The following KDM4C variants were observed in gnomAD, a reference collection of about 807,000 sequenced individuals.
The protein encoded by KDM4C is lysine-specific demethylase 4C.
KDM4C carries 81 observed loss-of-function variants against 129.3 expected under a neutral mutation model. The ratio of observed to expected loss-of-function variants is 0.63; its 90% CI spans 0.52 to 0.75. The LOEUF (loss-of-function observed/expected upper bound fraction) is 0.75. Among genes scored for constraint, KDM4C ranks in the 30% least tolerant of loss-of-function variants. The pLI is 0.00. For missense variants in KDM4C, 1,457 were observed against 1,304.0 expected (o/e 1.12, Z -1.81); for synonymous variants, 573 against 456.1 (o/e 1.26, Z -3.26).
At chr9:7,092,244 A>C (rs1203368580) in intron 17 of KDM4C, among the ~76,000 whole-genome samples, 1 of 152,164 alleles carries the variant, frequency 6.6e-6, no homozygotes, top group Non-Finnish European at 1.5e-5. Flanking sequence ...CCTCTGAAGT[A>C]CAGCTGTGGA....
chr9:7,110,151 CA>C (rs781108926), intron 18 of KDM4C, among the ~76,000 whole-genome samples: 6 of 152,120 alleles, frequency 3.9e-5, no homozygotes. Context: ...GTTTTTTTCG[CA>C]GTGGGAAATG....
chr9:6,804,482 G>A (rs1410544018), intron 2 of KDM4C, among the ~76,000 whole-genome samples: 6 of 152,162 alleles, frequency 3.9e-5, no homozygotes, highest in Admixed American at 6.5e-5. Flanking sequence ...AATGTTGGCC[G>A]GGCGTGGTGG....
chr9:7,111,469 T>A (rs992113596), intron 18 of KDM4C, among the ~76,000 whole-genome samples: 5 of 151,920 alleles, frequency 3.3e-5, no homozygotes, highest in Non-Finnish European at 5.9e-5. Flanking sequence ...ATCTTTTTAT[T>A]TTTTTTTAAC....
intron 5 of KDM4C, among the ~76,000 whole-genome samples, chr9:6,862,869 A>G (rs935621528): frequency 9.9e-5 from 15 of 152,144 alleles, no homozygotes; most frequent in Admixed American, 6.5e-5. Context: ...AATCATAGGA[A>G]ATCTTGAAAA....
intron 4 of KDM4C, among the ~76,000 whole-genome samples, chr9:6,831,857 T>C (rs530479174): frequency 1.3e-5 from 2 of 152,306 alleles, no homozygotes; most frequent in Admixed American, 1.3e-4. Context: ...GTGACCATCC[T>C]TAGCTGCAAG....
chr9:6,987,542 A>G (rs1817945666), intron 11 of KDM4C, among the ~76,000 whole-genome samples: 2 of 152,118 alleles, frequency 1.3e-5, no homozygotes, highest in African/African-American at 4.8e-5. Context: ...GTTTGAGCTG[A>G]TAGGTTGCGC....
rs74567361 is a variant in KDM4C at position 7,076,536 on chromosome 9, G to A, written c.2425-27149G>A. ...TCATTAGGAAAGTTACATCCCCTCC[G>A]CCACTGTTTCAGATGCTGTTTCTCA... On this transcript the variant is annotated intron_variant, in intron 17 of 21. Coordinates refer to ENST00000381309, the MANE Select transcript of KDM4C (RefSeq NM_015061.6). 499 of 1,536,984 alleles carry A rather than the reference G, an allele frequency of 3.2e-4. 1 individual carries two copies. The African/African-American group carries it at 4.7e-3, about 14-fold the overall frequency.
At chr9:6,952,876 C>T (rs190066608) in intron 8 of KDM4C, among the ~76,000 whole-genome samples, 1 of 152,108 alleles carries the variant, frequency 6.6e-6, no homozygotes, top group Non-Finnish European at 1.5e-5. Context: ...TATGATAGTC[C>T]TTGTTACTCA....
At chr9:7,068,891 T>G (rs570045496) in intron 17 of KDM4C, among the ~76,000 whole-genome samples, 2 of 151,934 alleles carry the variant, frequency 1.3e-5, no homozygotes, top group East Asian at 3.9e-4. Context: ...GAGACGGAGT[T>G]TCATCGTGTT....
intron 18 of KDM4C, among the ~76,000 whole-genome samples, chr9:7,106,125 C>G (rs1384523639): frequency 1.3e-5 from 2 of 152,200 alleles, no homozygotes; most frequent in Non-Finnish European, 2.9e-5. Context: ...TTCCATTCGA[C>G]TCCAAGTACG....
At chr9:6,989,859 C>T (rs1056223395) in intron 11 of KDM4C, among the ~76,000 whole-genome samples, 1 of 152,094 alleles carries the variant, frequency 6.6e-6, no homozygotes, top group Non-Finnish European at 1.5e-5. Flanking sequence ...ATTGCAGCCT[C>T]CACCTCCTGG....
At chr9:6,762,698 G>A (rs1354526440) in intron 1 of KDM4C, among the ~76,000 whole-genome samples, 3 of 145,444 alleles carry the variant, frequency 2.1e-5, no homozygotes, top group Non-Finnish European at 4.5e-5. Flanking sequence ...CGCCCTTGTT[G>A]CCCAGGCTGG....
At chr9:7,146,698 G>A (rs1350999455) in intron 19 of KDM4C, among the ~76,000 whole-genome samples, 1 of 152,124 alleles carries the variant, frequency 6.6e-6, no homozygotes, top group Non-Finnish European at 1.5e-5. Context: ...AAATTCCCAG[G>A]TAAGTGAGTG....
chr9:6,904,302 G>A (rs991414953), intron 8 of KDM4C, among the ~76,000 whole-genome samples: 3 of 151,872 alleles, frequency 2.0e-5, no homozygotes, highest in African/African-American at 7.3e-5. Flanking sequence ...ATCTATATAT[G>A]TCTTTCATTT....
rs537296990 is a variant in KDM4C, at chr9:6,758,655, C to T, written c.-18+452C>T. ...GCGGGGTGAGGGTGGGAGCTCCTCT[C>T]CTGACCACCCGTTGCAGGCAGTCAT... On this transcript the variant is annotated intron_variant, in intron 1 of 21. Transcript: ENST00000381309. This position sits in a 1 kb window ranked among gnomAD's most constrained non-coding sequence, Gnocchi z 4.6. Among the ~76,000 whole-genome samples the T allele has an allele frequency of 2.2e-4, 34 of 152,358 alleles. No individual in the cohort carries two copies. In the South Asian group the frequency reaches 5.8e-3, roughly 26 times the overall value.
chr9:6,877,556 A>C (rs1428414832), intron 5 of KDM4C, among the ~76,000 whole-genome samples: 1 of 152,122 alleles, frequency 6.6e-6, no homozygotes, highest in African/African-American at 2.4e-5. Context: ...TAGAGAACAG[A>C]ATTGTTCTTT....
At position 6,893,308 on chromosome 9, in the gene KDM4C, T is replaced by C. The variant is rs776981284; in HGVS notation, c.921+76T>C. On this transcript the variant is annotated intron_variant, in intron 8 of 21. Transcript: ENST00000381309. ...TTTTAGTAGGAACCCTACGATCCTG[T>C]GCAGCATTTATTTATTCTTCCTCAC... 8.2e-6 allele frequency: 10 copies of C among 1,213,978 alleles called. No individual in the cohort carries two copies. The Admixed American group carries it at 2.4e-4, about 29-fold the overall frequency. The allele number at this position is 1,213,978 out of a possible 1,614,324, so 75.2% of individuals were successfully genotyped here.
At chr9:7,124,936 G>T (rs968375523) in intron 18 of KDM4C, among the ~76,000 whole-genome samples, 1 of 152,064 alleles carries the variant, frequency 6.6e-6, no homozygotes, top group African/African-American at 2.4e-5. Flanking sequence ...ATTCTTGTCC[G>T]CAGTTCCTTT....
chr9:7,127,061 TTGGA>T (rs778741639), intron 18 of KDM4C, among the ~76,000 whole-genome samples: 1 of 151,772 alleles, frequency 6.6e-6, no homozygotes, highest in Non-Finnish European at 1.5e-5. Flanking sequence ...GGATGGATGG[TTGGA>T]TGGATGGATG....
Sources: gnomAD v4.1 joint callset for allele counts (sites outside exome capture counted in the v4.1 genomes callset) on GRCh38, gnomAD v4.1.1 for gene constraint, Gnocchi (gnomAD v3.1) non-coding constraint, MANE v1.5 for transcripts, NCBI Gene and HGNC (gene_info 2026-07-23, HGNC 2026-07-21) for gene names.